The following GNPTG variants were observed in gnomAD, a reference collection of about 807,000 sequenced individuals.
The protein encoded by GNPTG is N-acetylglucosamine-1-phosphate transferase subunit gamma.
A neutral mutation model predicts 43.8 loss-of-function variants in GNPTG; 46 were observed. The ratio of observed to expected loss-of-function variants is 1.05; its 90% CI spans 0.83 to 1.34. The LOEUF is 1.34. GNPTG is among the 40% of genes most tolerant of loss of function. GNPTG has a pLI of 0.00. For missense variants in GNPTG, 549 were observed against 411.3 expected (o/e 1.33, Z -2.90); for synonymous variants, 250 against 172.8 (o/e 1.45, Z -3.50).
In GNPTG at chr16:1,363,644, G is replaced by A. The variant is rs569260717; in HGVS notation, c.*553G>A. The A allele has an allele frequency of 8.9e-5, 17 of 189,968 alleles. No individual in the cohort carries two copies. Among genetic ancestry groups the A allele is most frequent in the African/African-American group, 3.3e-4 (14 of 42,016 alleles). The allele number at this position is 189,968 out of a possible 1,614,324, so 11.8% of individuals were successfully genotyped here. ...GCGCGCCTCCACCTCAGCCTCCACGGGGCACCTTCCAGCCACTGCTGTGCC... is the reference window on the plus strand; with the variant it reads ...GCGCGCCTCCACCTCAGCCTCCACGAGGCACCTTCCAGCCACTGCTGTGCC... On this transcript the variant is annotated 3_prime_UTR_variant, in exon 11 of 11. Coordinates refer to ENST00000204679, the MANE Select transcript of GNPTG (RefSeq NM_032520.5).
intron 3 of GNPTG, among the ~76,000 whole-genome samples, chr16:1,352,771 A>T (rs2034707737): frequency 6.6e-6 from 1 of 151,704 alleles, no homozygotes; most frequent in Admixed American, 6.6e-5. Context: ...GCACTCCCCG[A>T]TTGTATTTAG....
At chr16:1,359,511 G>A (rs552708484) in intron 3 of GNPTG, among the ~76,000 whole-genome samples, 3 of 152,080 alleles carry the variant, frequency 2.0e-5, no homozygotes, top group South Asian at 4.2e-4. Flanking sequence ...TTCGTGATCC[G>A]TCTGCCTCGG....
In GNPTG at chr16:1,363,636, C is replaced by CCTCCA. The variant is rs1306592872; in HGVS notation, c.*547_*551dup. The CCTCCA allele has an allele frequency of 5.1e-6, 1 of 195,034 alleles. No individual in the cohort carries two copies. Among genetic ancestry groups the CCTCCA allele is most frequent in the Non-Finnish European group, 1.1e-5 (1 of 93,348 alleles). The allele number at this position is 195,034 out of a possible 1,614,324, so 12.1% of individuals were successfully genotyped here. On this transcript the variant is annotated 3_prime_UTR_variant, in exon 11 of 11. Coordinates refer to ENST00000204679, the MANE Select transcript of GNPTG (RefSeq NM_032520.5). Reference sequence around the variant, plus strand: ...GCTGCTGGGCGCGCCTCCACCTCAGCCTCCACGGGGCACCTTCCAGCCACT... The same window carrying CCTCCA: ...GCTGCTGGGCGCGCCTCCACCTCAGCCTCCACTCCACGGGGCACCTTCCAGCCACT...
rs1038326897 is a variant in GNPTG at position 1,363,541 on chromosome 16, C to T, written c.*450C>T. On this transcript the variant is annotated 3_prime_UTR_variant, in exon 11 of 11. Transcript: ENST00000204679. ...GAACACTAGAGTTACAGACGACAGG[C>T]AACAAGAACATGCAGAGCCGGCCGC... 20 of 248,058 alleles carry T rather than the reference C, an allele frequency of 8.1e-5. No individual in the cohort carries two copies. The highest frequency in any genetic ancestry group is 3.9e-4 in the African/African-American group (17 of 43,652). 15.4% of individuals were successfully genotyped at this position (248,058 alleles called of 1,614,324 possible). A position where few individuals can be genotyped will look rare whatever the true frequency, so the allele number is the denominator to read the frequency against.
chr16:1,362,580 T>G, intron 8 of GNPTG, 31 bp from the exon 9 acceptor site: 2 of 1,614,140 alleles, frequency 1.2e-6, no homozygotes, highest in South Asian at 1.1e-5. Context: ...GGCTGGGAGC[T>G]GGGTGCTGCC....
At position 1,362,532 on chromosome 16, in the gene GNPTG, C is replaced by G; in HGVS notation, c.607C>G (p.Gln203Glu). 1 of 1,614,182 alleles carries G rather than the reference C, an allele frequency of 6.2e-7. No individual in the cohort carries two copies. The highest frequency in any genetic ancestry group is 1.7e-5 in the Admixed American group (1 of 60,030). The change falls in exon 8 of 11, where the codon CAG becomes GAG. Residue 203 changes from glutamine (Q) to glutamate (E), a missense_variant and splice_region_variant. By Grantham distance (29) the Gln-to-Glu change is conservative (BLOSUM62 2). Coordinates refer to ENST00000204679, the MANE Select transcript of GNPTG (RefSeq NM_032520.5). ...CCTGGCCGATGAGCTGATCACCCCC[C>G]AGGTAAGCGTGCGCTCGGGGTGGCC... ...QDLADELITP[Q>E]GHEKLLRTLF... is the part of the protein sequence containing the mutation.
intron 3 of GNPTG, among the ~76,000 whole-genome samples, chr16:1,355,839 T>C (rs2034765680): frequency 6.6e-6 from 1 of 151,102 alleles, no homozygotes; most frequent in South Asian, 2.1e-4. Flanking sequence ...GCTCCCAGCA[T>C]GTGAGTTGCA....
intron 3 of GNPTG, among the ~76,000 whole-genome samples, chr16:1,357,473 G>GT (rs1355681170): frequency 6.7e-6 from 1 of 149,636 alleles, no homozygotes; most frequent in Non-Finnish European, 1.5e-5. Context: ...CACCTCGTGT[G>GT]TATTTCGACT....
At chr16:1,360,005 A>T (rs1274266664) in intron 3 of GNPTG, among the ~76,000 whole-genome samples, 1 of 152,052 alleles carries the variant, frequency 6.6e-6, no homozygotes, top group Non-Finnish European at 1.5e-5. Context: ...GCTACTGGGG[A>T]GACTGAGGCG....
intron 3 of GNPTG, among the ~76,000 whole-genome samples, chr16:1,360,250 C>G (rs1428499828): frequency 6.6e-6 from 1 of 152,172 alleles, no homozygotes; most frequent in African/African-American, 2.4e-5. Flanking sequence ...TAGTTTCAGC[C>G]ACTTCAGCTC....
intron 3 of GNPTG, chr16:1,361,499 C>T (rs1293126488): frequency 9.0e-5 from 42 of 466,718 alleles, no homozygotes; most frequent in Non-Finnish European, 1.5e-4. Context: ...AAAAAATTAG[C>T]CGGGCATGGT....
chr16:1,355,227 G>A (rs1030866245), intron 3 of GNPTG, among the ~76,000 whole-genome samples: 3 of 152,208 alleles, frequency 2.0e-5, no homozygotes, highest in African/African-American at 7.2e-5. Flanking sequence ...TCCTGCGTCT[G>A]TGGGGTCGGG....
intron 3 of GNPTG, among the ~76,000 whole-genome samples, chr16:1,360,321 T>C (rs890902868): frequency 6.6e-6 from 1 of 152,156 alleles, no homozygotes; most frequent in Non-Finnish European, 1.5e-5. Context: ...TTTATGTCTT[T>C]AAATCTGAAG....
chr16:1,362,054 G>C lies in GNPTG; in HGVS notation c.334G>C (p.Glu112Gln). ...SGILGIWHEW[E>Q]IANNTFTGMW... ...TCTCCCCAGCATCTGGCACGAGTGG[G>C]AGATCGCCAACAACACCTTCACGGG... The change falls in exon 6 of 11, where the codon GAG (glutamate) becomes CAG (glutamine). Residue 112 changes from glutamate (E) to glutamine (Q), a missense_variant. Transcript: ENST00000204679. 2.5e-6 allele frequency: 4 copies of C among 1,612,716 alleles called. No homozygotes were observed. The highest frequency in any genetic ancestry group is 3.4e-6 in the Non-Finnish European group (4 of 1,179,676).
chr16:1,362,758 G>T lies in GNPTG; in HGVS notation c.741+16G>T. 5.6e-6 allele frequency: 9 copies of T among 1,614,126 alleles called. No individual in the cohort carries two copies. The highest frequency in any genetic ancestry group is 7.6e-6 in the Non-Finnish European group (9 of 1,180,038). Reference sequence around the variant, plus strand: ...CTGCAGGAAGGTACCGTATTGGGGGGAGGTGGTGGCACGCAGTAGCCCTCC... The same window carrying T: ...CTGCAGGAAGGTACCGTATTGGGGGTAGGTGGTGGCACGCAGTAGCCCTCC... On this transcript the variant is annotated intron_variant, in intron 9 of 10. Coordinates refer to ENST00000204679, the MANE Select transcript of GNPTG (RefSeq NM_032520.5).
chr16:1,354,374 G>A (rs546847287), intron 3 of GNPTG, among the ~76,000 whole-genome samples: 24 of 151,898 alleles, frequency 1.6e-4, no homozygotes, highest in African/African-American at 4.3e-4. Context: ...TCAGGAGTTC[G>A]AGACCAGCCT....
At chr16:1,357,483 T>G (rs996287334) in intron 3 of GNPTG, among the ~76,000 whole-genome samples, 5 of 150,494 alleles carry the variant, frequency 3.3e-5, no homozygotes, top group African/African-American at 7.3e-5. Flanking sequence ...GTATTTCGAC[T>G]TTATTATTAT....
Position 1,351,944 on chromosome 16 carries a change from GCGCGGCGGC to G in GNPTG, c.-18_-10del. On this transcript the variant is annotated 5_prime_UTR_variant, in exon 1 of 11. Transcript: ENST00000204679. ...CACGTGACCGTCACTTCACGTGACC[GCGCGGCGGC>G]CGCTGCGGCGCGATGGCGGCGGGGC... 4.7e-6 allele frequency: 6 copies of G among 1,278,550 alleles called. No homozygotes were observed. Among genetic ancestry groups the G allele is most frequent in the Non-Finnish European group, 4.9e-6 (5 of 1,019,296 alleles). The allele number at this position is 1,278,550 out of a possible 1,614,324, so 79.2% of individuals were successfully genotyped here.
At position 1,361,451 on chromosome 16, in the gene GNPTG, T is replaced by C. The variant is rs567640947; in HGVS notation, c.179-292T>C. 127 of 383,456 alleles carry C rather than the reference T, an allele frequency of 3.3e-4. No homozygotes were observed. The East Asian group carries it at 7.9e-3, about 24-fold the overall frequency. The allele number at this position is 383,456 out of a possible 1,614,324, so 23.8% of individuals were successfully genotyped here. A position where few individuals can be genotyped will look rare whatever the true frequency, so the allele number is the denominator to read the frequency against. ...CGAGGTCAGGAGATCGAGACCATCC[T>C]GGCTAACGCGGTGAAACCCCGTCTC... On this transcript the variant is annotated intron_variant, in intron 3 of 10. Transcript: ENST00000204679.
Sources: allele counts gnomAD v4.1 joint callset (sites outside exome capture counted in the v4.1 genomes callset), GRCh38; gene constraint gnomAD v4.1.1; transcripts MANE v1.5; gene names NCBI Gene and HGNC (gene_info 2026-07-23, HGNC 2026-07-21).